Variants in RTRAF observed in about 807,000 individuals in gnomAD.
The protein encoded by RTRAF is RNA transcription, translation and transport factor, also known as tRNA-splicing ligase complex subunit RTRAF.
A neutral mutation model predicts 34.4 loss-of-function variants in RTRAF; 14 were observed. That is an observed-to-expected ratio of 0.41 (90% CI 0.27 to 0.64). RTRAF has a LOEUF of 0.64. Ranked by LOEUF, RTRAF falls within the 30% of genes least tolerant of loss-of-function variation. The probability of loss-of-function intolerance (pLI) is 0.34; values close to 1 mark genes in which losing one functional copy is unlikely to be tolerated. For synonymous variants in RTRAF, 96 were observed against 95.3 expected (o/e 1.01, Z -0.04); for missense variants, 291 against 288.4 (o/e 1.01, Z -0.06).
rs117216821 is a variant in RTRAF at position 51,991,105 on chromosome 14, C to T, written c.62-212C>T. Among the ~76,000 whole-genome samples, 1,345 of 152,254 alleles carry T rather than the reference C, an allele frequency of 8.8e-3. 8 individuals carry two copies. Among genetic ancestry groups the T allele is most frequent in the South Asian group, 0.03 (146 of 4,830 alleles). ...GGTGATTATCCCAAGTTCACACAAC[C>T]AGTAAGTATCTGGACCCAGGATTTG... On this transcript the variant is annotated intron_variant, in intron 1 of 7. Transcript: ENST00000261700.
chr14:51,997,035 T>TAAA (rs1387059726), intron 3 of RTRAF, among the ~76,000 whole-genome samples: 5 of 152,058 alleles, frequency 3.3e-5, no homozygotes, highest in Non-Finnish European at 5.9e-5. Flanking sequence ...GTGTTCTTTT[T>TAAA]AGTGCATCAT....
chr14:51,991,284 T>C lies in RTRAF; in HGVS notation c.62-33T>C, dbSNP rs771526327. 1.9e-6 allele frequency: 3 copies of C among 1,602,794 alleles called. No homozygotes were observed. The East Asian group carries it at 6.7e-5, about 36-fold the overall frequency. On this transcript the variant is annotated intron_variant, in intron 1 of 7. Coordinates refer to ENST00000261700, the MANE Select transcript of RTRAF (RefSeq NM_016039.3). ...GAGAAGGAGGTATTTTATGTAGTGC[T>C]TCTAGTTATTTATGTGATATTTTTT...
Position 52,007,740 on chromosome 14 carries a change from G to T in RTRAF, c.*3224G>T. 1 of 1,339,242 alleles carries T rather than the reference G, an allele frequency of 7.5e-7. No individual in the cohort carries two copies. Among genetic ancestry groups the T allele is most frequent in the Non-Finnish European group, 1.1e-6 (1 of 951,384 alleles). The allele number at this position is 1,339,242 out of a possible 1,614,324, so 83.0% of individuals were successfully genotyped here. A position where few individuals can be genotyped will look rare whatever the true frequency, so the allele number is the denominator to read the frequency against. ...CTAAGTGATGGGATTTCATTTTGTA[G>T]TAAAATCTGTTAGTGCTCACATTCA... On this transcript the variant is annotated 3_prime_UTR_variant, in exon 8 of 8. Coordinates refer to ENST00000261700, the MANE Select transcript of RTRAF (RefSeq NM_016039.3).
rs1890765563 is a variant in RTRAF at position 52,006,016 on chromosome 14, C to CATTGCTCATCTCT, written c.*1502_*1514dup. The stretch of plus-strand genomic sequence containing the variant: ...AGTTTGAAGACCATTGCTCTAAATC[C>CATTGCTCATCTCT]ATTGCTCATCTCTAGCTGCATGTTA... On this transcript the variant is annotated 3_prime_UTR_variant, in exon 8 of 8. Coordinates refer to ENST00000261700, the MANE Select transcript of RTRAF (RefSeq NM_016039.3). 3 of 605,586 alleles carry CATTGCTCATCTCT rather than the reference C, an allele frequency of 5.0e-6. No individual in the cohort carries two copies. The South Asian group carries it at 5.6e-5, about 11-fold the overall frequency. The allele number at this position is 605,586 out of a possible 1,614,324, so 37.5% of individuals were successfully genotyped here.
At chr14:51,995,790 G>A (rs1019471978) in intron 3 of RTRAF, among the ~76,000 whole-genome samples, 4 of 151,212 alleles carry the variant, frequency 2.6e-5, no homozygotes, top group African/African-American at 9.7e-5. Context: ...TTGAGACTTC[G>A]TTTACTTTTC....
chr14:51,998,438 A>T, intron 3 of RTRAF, 56 bp from the exon 4 acceptor site: 1 of 982,840 alleles, frequency 1.0e-6, no homozygotes, highest in Non-Finnish European at 1.5e-6. Context: ...AAATAGCAGT[A>T]GTCATTTTAC....
rs1407736942 is a variant in RTRAF, at chr14:52,010,565, C to T, written c.*6049C>T. The T allele has an allele frequency of 4.6e-6, 1 of 217,046 alleles. No individual in the cohort carries two copies. The allele number at this position is 217,046 out of a possible 1,614,324, so 13.4% of individuals were successfully genotyped here. A position where few individuals can be genotyped will look rare whatever the true frequency, so the allele number is the denominator to read the frequency against. On this transcript the variant is annotated 3_prime_UTR_variant, in exon 8 of 8. Transcript: ENST00000261700. Reference sequence around the variant, plus strand: ...GTTTAAGTGTCAGCTGAGGCCTCGCCTGATCATTTGATTCAGAGTAGCCCT... The same window carrying T: ...GTTTAAGTGTCAGCTGAGGCCTCGCTTGATCATTTGATTCAGAGTAGCCCT...
intron 2 of RTRAF, among the ~76,000 whole-genome samples, chr14:51,992,412 T>A (rs981318800): frequency 3.3e-5 from 5 of 152,190 alleles, no homozygotes; most frequent in African/African-American, 1.2e-4. Context: ...CGTGTCTCAA[T>A]TTTTTCATCA....
At chr14:51,993,307 T>C (rs1566731513) in intron 2 of RTRAF, among the ~76,000 whole-genome samples, 1 of 152,198 alleles carries the variant, frequency 6.6e-6, no homozygotes, top group Non-Finnish European at 1.5e-5. Flanking sequence ...GGCTACTCTT[T>C]TCAGTGGCAT....
At chr14:51,996,860 AC>A (rs1233309664) in intron 3 of RTRAF, among the ~76,000 whole-genome samples, 1 of 152,064 alleles carries the variant, frequency 6.6e-6, no homozygotes, top group Non-Finnish European at 1.5e-5. Context: ...ATTAGTTGTT[AC>A]ATCTGTCTTA....
chr14:52,004,314 A>C (rs1890667870), intron 7 of RTRAF, 48 bp from the exon 8 acceptor site: 1 of 1,575,720 alleles, frequency 6.3e-7, no homozygotes, highest in South Asian at 1.1e-5. Context: ...AAATGGCCTT[A>C]AATGTAAAAA....
rs542130340 is a variant in RTRAF, at chr14:52,006,195, C to T, written c.*1679C>T. 2.8e-4 allele frequency: 109 copies of T among 395,380 alleles called. No homozygotes were observed. In the South Asian group the frequency reaches 2.9e-3, roughly 10 times the overall value. The allele number at this position is 395,380 out of a possible 1,614,324, so 24.5% of individuals were successfully genotyped here. A position where few individuals can be genotyped will look rare whatever the true frequency, so the allele number is the denominator to read the frequency against. The stretch of plus-strand genomic sequence containing the variant: ...CCACAGTGTCAAAAGCCAACTTAAG[C>T]CCTGTAATATAGCTCATGGTATCAA... On this transcript the variant is annotated 3_prime_UTR_variant, in exon 8 of 8. Transcript: ENST00000261700.
intron 6 of RTRAF, among the ~76,000 whole-genome samples, chr14:52,003,094 A>ATTTAG (rs1444787078): frequency 6.6e-6 from 1 of 152,192 alleles, no homozygotes; most frequent in African/African-American, 2.4e-5. Flanking sequence ...GTAAAGTAAA[A>ATTTAG]TTTAGTTTTA....
chr14:51,989,786 G>A (rs1306416901), intron 1 of RTRAF, 86 bp downstream of exon 1: 1 of 1,387,402 alleles, frequency 7.2e-7, no homozygotes, highest in African/African-American at 1.5e-5. Context: ...CTCCCCGTCG[G>A]GACCCTCGGC....
At chr14:51,994,900 C>CT (rs1890494784) in intron 3 of RTRAF, among the ~76,000 whole-genome samples, 1 of 151,996 alleles carries the variant, frequency 6.6e-6, no homozygotes. Context: ...TTTGTTCACA[C>CT]TTTTCCCTTG....
intron 3 of RTRAF, among the ~76,000 whole-genome samples, chr14:51,994,587 C>T (rs890685354): frequency 9.9e-5 from 15 of 152,276 alleles, no homozygotes; most frequent in African/African-American, 3.6e-4. Flanking sequence ...ATTATAATAT[C>T]TCCCATTAGT....
Position 52,006,036 on chromosome 14 carries a change from A to ATGTT in RTRAF, c.*1521_*1524dup. ...AAATCCATTGCTCATCTCTAGCTGC[A>ATGTT]TGTTAGAATCACATGATGAGCTATC... On this transcript the variant is annotated 3_prime_UTR_variant, in exon 8 of 8. Transcript: ENST00000261700. 4 of 575,686 alleles carry ATGTT rather than the reference A, an allele frequency of 6.9e-6. No individual in the cohort carries two copies. The highest frequency in any genetic ancestry group is 1.9e-5 in the South Asian group (1 of 51,512). 35.7% of individuals were successfully genotyped at this position (575,686 alleles called of 1,614,324 possible). A position where few individuals can be genotyped will look rare whatever the true frequency, so the allele number is the denominator to read the frequency against.
chr14:51,998,876 A>C (rs1353461051), intron 4 of RTRAF, among the ~76,000 whole-genome samples: 1 of 151,944 alleles, frequency 6.6e-6, no homozygotes, highest in African/African-American at 2.4e-5. Context: ...ATTTCTTTTA[A>C]TCCAATGACT....
chr14:52,004,625 AT>A lies in RTRAF; in HGVS notation c.*111del. 1 of 1,104,162 alleles carries A rather than the reference AT, an allele frequency of 9.1e-7. No individual in the cohort carries two copies. Among genetic ancestry groups the A allele is most frequent in the Non-Finnish European group, 1.3e-6 (1 of 781,528 alleles). The allele number at this position is 1,104,162 out of a possible 1,614,324, so 68.4% of individuals were successfully genotyped here. Reference sequence around the variant, plus strand: ...ATTCTCGGGGGAGGAAGCCCAGAAAATTGGGTATGTTCTAGAGATTTACCAC... The same window carrying A: ...ATTCTCGGGGGAGGAAGCCCAGAAAATGGGTATGTTCTAGAGATTTACCAC... On this transcript the variant is annotated 3_prime_UTR_variant, in exon 8 of 8. Coordinates refer to ENST00000261700, the MANE Select transcript of RTRAF (RefSeq NM_016039.3).
Sources: gnomAD v4.1 joint callset for allele counts (sites outside exome capture counted in the v4.1 genomes callset) on GRCh38, gnomAD v4.1.1 for gene constraint, MANE v1.5 for transcripts, NCBI Gene and HGNC (gene_info 2026-07-23, HGNC 2026-07-21) for gene names.